TAF12: variants seen among roughly 807,000 people sequenced by gnomAD.
TAF12 encodes the protein TATA-box binding protein associated factor 12, also known as transcription initiation factor TFIID subunit 12.
In TAF12, 3 loss-of-function variants were observed where a neutral mutation model predicts 20.8. The observed-to-expected ratio is 0.14, with a 90% confidence interval of 0.07 to 0.37. The LOEUF is 0.37. Ranked by LOEUF, TAF12 falls within the 10% of genes least tolerant of loss-of-function variation. The probability of loss-of-function intolerance (pLI) is 1.00; values close to 1 mark genes in which losing one functional copy is unlikely to be tolerated. For missense variants in TAF12, 131 were observed against 197.9 expected, an observed-to-expected ratio of 0.66 and a Z score of 2.03; for synonymous variants, 69 against 70.2, an observed-to-expected ratio of 0.98 and a Z score of 0.09.
intron 1 of TAF12, among the ~76,000 whole-genome samples, chr1:28,637,447 A>T (rs1176296093): frequency 6.6e-6 from 1 of 152,096 alleles, no homozygotes; most frequent in Non-Finnish European, 1.5e-5. Context: ...CAGGCGGATC[A>T]CGAGGTCAGG....
At chr1:28,639,114 G>T (rs1667945292) in intron 1 of TAF12, among the ~76,000 whole-genome samples, 1 of 150,958 alleles carries the variant, frequency 6.6e-6, no homozygotes, top group African/African-American at 2.4e-5. Context: ...TTGCTCTATT[G>T]CCCAGGCTGG....
intron 3 of TAF12, among the ~76,000 whole-genome samples, chr1:28,617,200 T>G (rs1386796557): frequency 2.6e-5 from 4 of 152,198 alleles, no homozygotes; most frequent in African/African-American, 9.6e-5. Flanking sequence ...AGAAGAATGT[T>G]ACAGAAACAG....
At chr1:28,618,721 G>T (rs1667118203) in intron 2 of TAF12, among the ~76,000 whole-genome samples, 1 of 151,758 alleles carries the variant, frequency 6.6e-6, no homozygotes, top group Admixed American at 6.6e-5. Context: ...GCCCATCCCA[G>T]TAAAGGTAAC....
upstream of TAF12, among the ~76,000 whole-genome samples, chr1:28,643,749 G>A (rs969508785): frequency 6.6e-6 from 1 of 152,086 alleles, no homozygotes; most frequent in African/African-American, 2.4e-5. Flanking sequence ...CAGTTTTTCG[G>A]CTGTCAGATG....
chr1:28,640,235 G>A (rs1318851139), intron 1 of TAF12, among the ~76,000 whole-genome samples: 3 of 152,136 alleles, frequency 2.0e-5, no homozygotes, highest in African/African-American at 7.2e-5. Flanking sequence ...TTTCTATCTT[G>A]AATAATCTAT....
At position 28,626,518 on chromosome 1, in the gene TAF12, T is replaced by C. The variant is rs545370420; in HGVS notation, c.-84-4353A>G. 1.7e-4 allele frequency among the ~76,000 whole-genome samples: 25 copies of C among 144,396 alleles called. 1 individual carries two copies. The South Asian group carries it at 4.8e-3, about 28-fold the overall frequency. The allele number at this position is 144,396 out of a possible 152,430, so 94.7% of individuals were successfully genotyped here. A position where few individuals can be genotyped will look rare whatever the true frequency, so the allele number is the denominator to read the frequency against. ...ATTGCTTGAACCCAGGAGGTGGAGGTTGCAGTGGGCCGAGATCATGCCACT... is the reference window on the plus strand; with the variant it reads ...ATTGCTTGAACCCAGGAGGTGGAGGCTGCAGTGGGCCGAGATCATGCCACT... On this transcript the variant is annotated intron_variant, in intron 1 of 5. Coordinates refer to ENST00000373824, the MANE Select transcript of TAF12 (RefSeq NM_005644.4).
In TAF12 at chr1:28,622,098, G is replaced by C; in HGVS notation, c.-17C>G. On this transcript the variant is annotated 5_prime_UTR_variant, in exon 2 of 6. Coordinates refer to ENST00000373824, the MANE Select transcript of TAF12 (RefSeq NM_005644.4). ...CTGGTTCATAATCTGCCGAGCTTTG[G>C]ACTTCAGCTCATAGAGCTTATCGAG... is the stretch of plus-strand genomic sequence containing the variant. 1 of 1,608,068 alleles carries C rather than the reference G, an allele frequency of 6.2e-7. No individual in the cohort carries two copies. Among genetic ancestry groups the C allele is most frequent in the East Asian group, 2.2e-5 (1 of 44,796 alleles).
chr1:28,642,595 G>A, intron 1 of TAF12: 1 of 972,336 alleles, frequency 1.0e-6, no homozygotes, highest in South Asian at 4.8e-5. Flanking sequence ...TAGGAGCCCG[G>A]GTCTTCACTG....
Position 28,603,363 on chromosome 1 carries a change from A to C in TAF12, c.*176T>G. 1.6e-6 allele frequency: 1 copy of C among 612,088 alleles called. No homozygotes were observed. The highest frequency in any genetic ancestry group is 2.8e-6 in the Non-Finnish European group (1 of 355,160). The allele number at this position is 612,088 out of a possible 1,614,324, so 37.9% of individuals were successfully genotyped here. On this transcript the variant is annotated 3_prime_UTR_variant, in exon 6 of 6. Coordinates refer to ENST00000373824, the MANE Select transcript of TAF12 (RefSeq NM_005644.4). ...AAAAGGGACCGGAAGTTGGGGTAGG[A>C]GGCTTTATTCTTTTGGCAGATCCTC... is the stretch of plus-strand genomic sequence containing the variant.
At chr1:28,629,643 T>TTTTG (rs201330057) in intron 1 of TAF12, among the ~76,000 whole-genome samples, 1 of 151,994 alleles carries the variant, frequency 6.6e-6, no homozygotes, top group African/African-American at 2.4e-5. Flanking sequence ...GCCTTGGGTT[T>TTTTG]TTTGTTTGTT....
At chr1:28,637,350 C>T (rs1045338819) in intron 1 of TAF12, among the ~76,000 whole-genome samples, 2 of 151,930 alleles carry the variant, frequency 1.3e-5, no homozygotes, top group Non-Finnish European at 2.9e-5. Context: ...CAGGCAAATT[C>T]TAAAGTCCCT....
chr1:28,639,655 G>A (rs966515599), intron 1 of TAF12, among the ~76,000 whole-genome samples: 3 of 151,948 alleles, frequency 2.0e-5, no homozygotes, highest in East Asian at 1.9e-4. Context: ...CATGGGCATC[G>A]GTATGCTTTC....
At chr1:28,625,374 TTCTC>T (rs537080097) in intron 1 of TAF12, among the ~76,000 whole-genome samples, 4 of 152,016 alleles carry the variant, frequency 2.6e-5, no homozygotes, top group African/African-American at 4.8e-5. Flanking sequence ...CACTGTCCCT[TTCTC>T]TCTTTTTTTT....
intron 1 of TAF12, among the ~76,000 whole-genome samples, chr1:28,635,950 C>T (rs915642520): frequency 6.6e-6 from 1 of 151,994 alleles, no homozygotes; most frequent in African/African-American, 2.4e-5. Context: ...ATCAAGAGGA[C>T]TGGCCTGATG....
chr1:28,634,721 G>T (rs1377165634), intron 1 of TAF12, among the ~76,000 whole-genome samples: 3 of 151,014 alleles, frequency 2.0e-5, no homozygotes, highest in Non-Finnish European at 4.4e-5. Flanking sequence ...CCTGAGGTCG[G>T]AAGTTTGAGA....
intron 1 of TAF12, among the ~76,000 whole-genome samples, chr1:28,640,345 G>A (rs923581655): frequency 2.0e-5 from 3 of 152,318 alleles, no homozygotes; most frequent in African/African-American, 7.2e-5. Context: ...AGAAGGAGGA[G>A]ATGCTTTCAT....
intron 3 of TAF12, among the ~76,000 whole-genome samples, chr1:28,613,966 G>A (rs1027124065): frequency 3.9e-5 from 6 of 152,256 alleles, no homozygotes; most frequent in South Asian, 2.1e-4. Flanking sequence ...TAGGCCGGGC[G>A]TGGTGGCTCA....
chr1:28,627,003 ATTTT>A (rs200720092), intron 1 of TAF12, among the ~76,000 whole-genome samples: 1 of 151,730 alleles, frequency 6.6e-6, no homozygotes, highest in Admixed American at 6.6e-5. Context: ...TCAAATTAGG[ATTTT>A]TTTTTCTTTT....
chr1:28,646,722 AG>A (rs1207270131), upstream of TAF12, among the ~76,000 whole-genome samples: 3 of 130,042 alleles, frequency 2.3e-5, no homozygotes, highest in Admixed American at 1.6e-4. Context: ...TTTTTGAGAC[AG>A]AGTCTCACTC....
Sources: allele counts gnomAD v4.1 joint callset (sites outside exome capture counted in the v4.1 genomes callset), GRCh38; gene constraint gnomAD v4.1.1; transcripts MANE v1.5; gene names NCBI Gene and HGNC (gene_info 2026-07-23, HGNC 2026-07-21).